The following PHF20 variants were observed in gnomAD, a reference collection of about 807,000 sequenced individuals.
The protein encoded by PHF20 is PHD finger protein 20.
A neutral mutation model predicts 113.5 loss-of-function variants in PHF20; 23 were observed. The observed-to-expected ratio is 0.20, with a 90% CI of 0.15 to 0.29. The LOEUF (loss-of-function observed/expected upper bound fraction) is 0.29. Among genes scored for constraint, PHF20 ranks in the 10% least tolerant of loss-of-function variants. The probability of loss-of-function intolerance (pLI) is 1.00; values close to 1 mark genes in which losing one functional copy is unlikely to be tolerated. For missense variants in PHF20, 943 were observed against 1,219.6 expected, an observed-to-expected ratio of 0.77 and a Z score of 3.38; for synonymous variants, 434 against 457.3, an observed-to-expected ratio of 0.95 and a Z score of 0.65.
chr20:35,891,276 C>A (rs1441938111), intron 9 of PHF20, among the ~76,000 whole-genome samples: 1 of 151,266 alleles, frequency 6.6e-6, no homozygotes, highest in East Asian at 2.0e-4. Flanking sequence ...ACTTGGGAGG[C>A]TGAGGCAGAA....
Position 35,869,617 on chromosome 20 carries a change from T to C in PHF20, c.922+66T>C. On this transcript the variant is annotated intron_variant, in intron 7 of 17. Transcript: ENST00000374012. ...TTGTTTGGGTCAACTTCCTCTATATTCATCCTGTCCCCCATTCCCTATAGG... is the reference window on the plus strand; with the variant it reads ...TTGTTTGGGTCAACTTCCTCTATATCCATCCTGTCCCCCATTCCCTATAGG... 5 of 840,572 alleles carry C rather than the reference T, an allele frequency of 5.9e-6. No homozygotes were observed. In the South Asian group the frequency reaches 6.9e-5, roughly 12 times the overall value. The allele number at this position is 840,572 out of a possible 1,614,324, so 52.1% of individuals were successfully genotyped here.
intron 1 of PHF20, among the ~76,000 whole-genome samples, chr20:35,783,045 A>C (rs1191383575): frequency 2.0e-5 from 3 of 152,038 alleles, no homozygotes; most frequent in Non-Finnish European, 4.4e-5. Flanking sequence ...CAGAAAAAAA[A>C]AAAATTAGTT....
At chr20:35,895,438 G>A (rs780054725) in intron 9 of PHF20, among the ~76,000 whole-genome samples, 16 of 152,126 alleles carry the variant, frequency 1.1e-4, no homozygotes, top group South Asian at 2.1e-4. Context: ...AATTATAGTC[G>A]TGAGCCACTG....
chr20:35,858,165 C>T (rs1049549896), intron 4 of PHF20, 137 bp from the exon 5 acceptor site: 1 of 444,770 alleles, frequency 2.2e-6, no homozygotes, highest in Non-Finnish European at 4.0e-6. Flanking sequence ...ATAAGTAAGA[C>T]TGAATATGAT....
intron 1 of PHF20, among the ~76,000 whole-genome samples, chr20:35,774,073 C>T (rs961789321): frequency 1.3e-5 from 2 of 151,174 alleles, no homozygotes; most frequent in Non-Finnish European, 2.9e-5. Flanking sequence ...CCCAATCATC[C>T]TCTTGTCAAT....
chr20:35,917,694 G>A (rs767092741), intron 13 of PHF20, 32 bp downstream of exon 13: 3 of 1,590,104 alleles, frequency 1.9e-6, no homozygotes, highest in African/African-American at 1.3e-5. Context: ...CAGGTCTAGA[G>A]AAGCACAAAC....
intron 3 of PHF20, among the ~76,000 whole-genome samples, chr20:35,846,838 A>G (rs1030122668): frequency 2.6e-5 from 4 of 152,164 alleles, no homozygotes; most frequent in African/African-American, 9.7e-5. Context: ...TTTATAAAGA[A>G]AAGAGGTTTG....
At chr20:35,773,506 C>T (rs1490932092) in intron 1 of PHF20, among the ~76,000 whole-genome samples, 1 of 152,156 alleles carries the variant, frequency 6.6e-6, no homozygotes, top group African/African-American at 2.4e-5. Context: ...GTCACACCTC[C>T]TGAATTCTCC....
intron 1 of PHF20, among the ~76,000 whole-genome samples, chr20:35,788,406 A>T (rs1157375381): frequency 2.7e-5 from 4 of 148,902 alleles, no homozygotes; most frequent in Non-Finnish European, 4.5e-5. Context: ...TATTTTTTTT[A>T]TTTTTTGTAG....
intron 10 of PHF20, among the ~76,000 whole-genome samples, chr20:35,906,626 C>CCT (rs2055205765): frequency 6.6e-6 from 1 of 152,174 alleles, no homozygotes; most frequent in South Asian, 2.1e-4. Flanking sequence ...AAAATGGCTC[C>CCT]CTGCCTTGCT....
intron 14 of PHF20, among the ~76,000 whole-genome samples, chr20:35,928,252 A>G (rs1263178178): frequency 6.6e-6 from 1 of 151,378 alleles, no homozygotes; most frequent in Non-Finnish European, 1.5e-5. Context: ...CAGCCTGGCC[A>G]ATGTGGTGAA....
chr20:35,791,134 G>A (rs2041537217), intron 1 of PHF20, among the ~76,000 whole-genome samples: 1 of 152,172 alleles, frequency 6.6e-6, no homozygotes, highest in East Asian at 1.9e-4. Flanking sequence ...TGGGATTACA[G>A]GCGTGAGCCA....
chr20:35,917,288 C>T (rs982100635), intron 12 of PHF20, 196 bp from the exon 13 acceptor site: 3 of 684,318 alleles, frequency 4.4e-6, no homozygotes, highest in African/African-American at 3.5e-5. Context: ...GTTGAGTTCA[C>T]TGCCAGGCAG....
At chr20:35,878,047 A>G (rs947201648) in intron 9 of PHF20, among the ~76,000 whole-genome samples, 1 of 152,354 alleles carries the variant, frequency 6.6e-6, no homozygotes, top group Non-Finnish European at 1.5e-5. Context: ...TAATGCCTAT[A>G]GTATTTTAGC....
At chr20:35,868,044 A>G (rs2054348442) in intron 6 of PHF20, among the ~76,000 whole-genome samples, 1 of 152,220 alleles carries the variant, frequency 6.6e-6, no homozygotes, top group Non-Finnish European at 1.5e-5. Flanking sequence ...CTGTAATCTC[A>G]GCACTTTGGG....
At chr20:35,926,165 T>A (rs924841203) in intron 13 of PHF20, among the ~76,000 whole-genome samples, 1 of 150,048 alleles carries the variant, frequency 6.7e-6, no homozygotes, top group African/African-American at 2.4e-5. Context: ...AACTGAACTG[T>A]ATTTGATTCA....
At chr20:35,775,717 G>A (rs1425013672) in intron 1 of PHF20, among the ~76,000 whole-genome samples, 1 of 127,016 alleles carries the variant, frequency 7.9e-6, no homozygotes, top group Non-Finnish European at 1.5e-5. Context: ...TTGCACCACT[G>A]CACTCCAGCC....
At chr20:35,866,178 C>T (rs1005603348) in intron 6 of PHF20, among the ~76,000 whole-genome samples, 1 of 152,040 alleles carries the variant, frequency 6.6e-6, no homozygotes, top group African/African-American at 2.4e-5. Context: ...CCACTGCTCT[C>T]CAGCTTGGGT....
intron 2 of PHF20, among the ~76,000 whole-genome samples, chr20:35,826,456 G>A (rs1721471810): frequency 6.6e-6 from 1 of 152,162 alleles, no homozygotes; most frequent in Admixed American, 6.6e-5. Context: ...CCAGGGTTGG[G>A]TGGCAGTTGT....
Sources: gnomAD v4.1 joint callset for allele counts (sites outside exome capture counted in the v4.1 genomes callset) on GRCh38, gnomAD v4.1.1 for gene constraint, MANE v1.5 for transcripts, NCBI Gene and HGNC (gene_info 2026-07-23, HGNC 2026-07-21) for gene names.